The following EBF2 variants were observed in gnomAD, a reference collection of about 807,000 sequenced individuals.
EBF2 encodes the protein EBF transcription factor 2, also known as transcription factor COE2.
A neutral mutation model predicts 72.8 loss-of-function variants in EBF2; 21 were observed. That is an observed-to-expected ratio of 0.29 (90% CI 0.20 to 0.42). The LOEUF (loss-of-function observed/expected upper bound fraction) is 0.42, where lower values mean the gene tolerates loss of function less well. EBF2 is among the 10% of genes least tolerant of loss of function. The pLI is 1.00. For synonymous variants in EBF2, 299 were observed against 274.2 expected, an observed-to-expected ratio of 1.09 and a Z score of -0.89; for missense variants, 637 against 731.2, an observed-to-expected ratio of 0.87 and a Z score of 1.49.
At chr8:25,891,452 T>C (rs929534079) in intron 7 of EBF2, among the ~76,000 whole-genome samples, 1 of 152,014 alleles carries the variant, frequency 6.6e-6, no homozygotes, top group African/African-American at 2.4e-5. Context: ...ACTAAATAGG[T>C]ACAAAATGAA....
intron 7 of EBF2, among the ~76,000 whole-genome samples, chr8:25,903,024 C>T (rs1802979821): frequency 6.6e-6 from 1 of 152,028 alleles, no homozygotes; most frequent in Non-Finnish European, 1.5e-5. Flanking sequence ...GCTTTGTGTC[C>T]ATGGACAGTT....
At chr8:25,934,671 G>A (rs1387492629) in intron 6 of EBF2, among the ~76,000 whole-genome samples, 1 of 152,110 alleles carries the variant, frequency 6.6e-6, no homozygotes, top group Non-Finnish European at 1.5e-5. Context: ...GTGCATGGCT[G>A]GAGCTCGCAC....
chr8:25,886,656 G>T, intron 10 of EBF2, 99 bp downstream of exon 10: 1 of 1,386,030 alleles, frequency 7.2e-7, no homozygotes, highest in Non-Finnish European at 9.7e-7. Context: ...CTAGTAAAAA[G>T]ACCTAGAAAA....
chr8:25,944,190 G>A (rs1438469057), intron 6 of EBF2, among the ~76,000 whole-genome samples: 2 of 152,220 alleles, frequency 1.3e-5, no homozygotes, highest in Admixed American at 1.3e-4. Context: ...AAGGAGCTAC[G>A]AGCTAATGGA....
At chr8:25,939,540 A>C (rs955738905) in intron 6 of EBF2, among the ~76,000 whole-genome samples, 5 of 152,242 alleles carry the variant, frequency 3.3e-5, no homozygotes, top group African/African-American at 4.8e-5. Context: ...GAAGACTCTA[A>C]AACAAAGCAA....
At chr8:26,040,886 G>C in intron 3 of EBF2, 53 bp downstream of exon 3, 1 of 1,610,366 alleles carries the variant, frequency 6.2e-7, no homozygotes, top group Non-Finnish European at 8.5e-7. Flanking sequence ...AGCGCGTGCG[G>C]CCCGGAAGCC....
intron 8 of EBF2, among the ~76,000 whole-genome samples, 193 bp downstream of exon 8, chr8:25,889,559 G>A (rs766127244): frequency 2.6e-5 from 4 of 152,062 alleles, no homozygotes; most frequent in African/African-American, 9.7e-5. Context: ...GACTTGGCAC[G>A]GGCTGGTAGA....
chr8:25,858,612 G>T, intron 13 of EBF2, 108 bp from the exon 14 acceptor site: 2 of 979,242 alleles, frequency 2.0e-6, no homozygotes, highest in East Asian at 2.8e-5. Context: ...GTCACCAGCT[G>T]CCCCGGGCAG....
chr8:25,975,493 C>G (rs1445429777), intron 6 of EBF2, among the ~76,000 whole-genome samples: 1 of 152,074 alleles, frequency 6.6e-6, no homozygotes. Flanking sequence ...GACAGCTAAG[C>G]CTTTATAAGT....
At chr8:25,895,367 G>A (rs530447761) in intron 7 of EBF2, among the ~76,000 whole-genome samples, 12 of 152,266 alleles carry the variant, frequency 7.9e-5, no homozygotes, top group African/African-American at 2.6e-4. Flanking sequence ...ATTTTGCTTT[G>A]ATGTGATCTC....
Position 26,042,123 on chromosome 8 carries a change from G to A in EBF2, c.260C>T (p.Ala87Val). ...GTCATTCTCCACAAAGTCCACGAAGGCCGTCCGCTCGATCTCCACCGGCTG... is the reference window on the plus strand; with the variant it reads ...GTCATTCTCCACAAAGTCCACGAAGACCGTCCGCTCGATCTCCACCGGCTG... ...QGQPVEIERT[A>V]FVDFVENDKE... The change falls in exon 2 of 16, where the codon GCC (alanine) becomes GTC (valine). Residue 87 changes from alanine (A) to valine (V), a missense_variant. Ala to Val is a moderately conservative substitution (Grantham distance 64, BLOSUM62 0). Coordinates refer to ENST00000520164, the MANE Select transcript of EBF2 (RefSeq NM_022659.4). The A allele has an allele frequency of 6.2e-7, 1 of 1,614,146 alleles. No homozygotes were observed. Among genetic ancestry groups the A allele is most frequent in the Non-Finnish European group, 8.5e-7 (1 of 1,180,022 alleles).
At chr8:25,980,627 C>T (rs1027790417) in intron 6 of EBF2, among the ~76,000 whole-genome samples, 23 of 151,886 alleles carry the variant, frequency 1.5e-4, no homozygotes, top group Admixed American at 1.1e-3. Context: ...TTATACACCT[C>T]ATGGGAAGAA....
At chr8:25,984,106 C>A (rs1378607941) in intron 6 of EBF2, among the ~76,000 whole-genome samples, 1 of 152,138 alleles carries the variant, frequency 6.6e-6, no homozygotes, top group Non-Finnish European at 1.5e-5. Context: ...TGTGTGATTC[C>A]ATGTGTACTT....
At chr8:26,005,556 A>ATTT (rs1243425239) in intron 6 of EBF2, among the ~76,000 whole-genome samples, 81 of 65,322 alleles carry the variant, frequency 1.2e-3, no homozygotes, top group Middle Eastern at 6.2e-3. Context: ...ATATATATAT[A>ATTT]TATATAGAGA....
At chr8:25,974,857 C>A (rs547626487) in intron 6 of EBF2, among the ~76,000 whole-genome samples, 3 of 152,248 alleles carry the variant, frequency 2.0e-5, no homozygotes, top group Admixed American at 2.0e-4. Flanking sequence ...ACACTCAGCA[C>A]TTTGAGGGCC....
chr8:25,849,574 A>T (rs1235694036), intron 15 of EBF2, among the ~76,000 whole-genome samples: 1 of 152,180 alleles, frequency 6.6e-6, no homozygotes, highest in Non-Finnish European at 1.5e-5. Flanking sequence ...TGTCAAGAAC[A>T]TGAGAGGAGC....
At chr8:25,857,464 G>C (rs752622965) in intron 14 of EBF2, among the ~76,000 whole-genome samples, 30 of 152,100 alleles carry the variant, frequency 2.0e-4, no homozygotes, top group Admixed American at 9.2e-4. Context: ...AGAGGGCAAG[G>C]TGCAGAGAAT....
chr8:25,988,159 G>A (rs10866846), intron 6 of EBF2, among the ~76,000 whole-genome samples: 48,780 of 151,770 alleles, frequency 0.32, 8,707 homozygotes, highest in South Asian at 0.43. Flanking sequence ...AATAAAGAGG[G>A]TAGAGCACAT....
At chr8:25,870,590 G>A (rs1802419534) in intron 10 of EBF2, among the ~76,000 whole-genome samples, 1 of 152,102 alleles carries the variant, frequency 6.6e-6, no homozygotes, top group Non-Finnish European at 1.5e-5. Context: ...AGGTGGGATG[G>A]AGATGAGTTT....
Sources: gnomAD v4.1 joint callset for allele counts (sites outside exome capture counted in the v4.1 genomes callset) on GRCh38, gnomAD v4.1.1 for gene constraint, MANE v1.5 for transcripts, NCBI Gene and HGNC (gene_info 2026-07-23, HGNC 2026-07-21) for gene names.